SNRK: variants seen among roughly 807,000 people sequenced by gnomAD.
The protein encoded by SNRK is SNF related kinase.
In SNRK, 3 loss-of-function variants were observed where a neutral mutation model predicts 48.2. The ratio of observed to expected loss-of-function variants is 0.06; its 90% confidence interval spans 0.03 to 0.16. The LOEUF is 0.16. SNRK is among the 10% of genes least tolerant of loss of function. The probability of loss-of-function intolerance (pLI) is 1.00; values close to 1 mark genes in which losing one functional copy is unlikely to be tolerated. For synonymous variants in SNRK, 376 were observed against 366.1 expected (o/e 1.03, Z -0.31); for missense variants, 627 against 976.0 (o/e 0.64, Z 4.76).
intron 6 of SNRK, among the ~76,000 whole-genome samples, chr3:43,344,493 C>T (rs577758730): frequency 1.3e-5 from 2 of 152,102 alleles, no homozygotes; most frequent in South Asian, 4.2e-4. Flanking sequence ...AAAGCCATTT[C>T]GATTTTAAGT....
At chr3:43,324,230 C>T (rs2091076895) in intron 3 of SNRK, among the ~76,000 whole-genome samples, 1 of 152,180 alleles carries the variant, frequency 6.6e-6, no homozygotes, top group Admixed American at 6.5e-5. Flanking sequence ...TGGCGTTAGG[C>T]CGGGCGTGGT....
intron 3 of SNRK, among the ~76,000 whole-genome samples, chr3:43,326,188 T>C (rs2091095242): frequency 6.6e-6 from 1 of 152,100 alleles, no homozygotes. Flanking sequence ...AAAAGGTGAC[T>C]GAAATAAACT....
At chr3:43,339,679 G>A (rs553198894) in intron 4 of SNRK, among the ~76,000 whole-genome samples, 35 of 151,160 alleles carry the variant, frequency 2.3e-4, no homozygotes, top group African/African-American at 7.5e-4. Flanking sequence ...AGCTGGGTGT[G>A]GTGGCACGTG....
chr3:43,301,071 G>A (rs2090894531), intron 2 of SNRK, among the ~76,000 whole-genome samples: 1 of 152,224 alleles, frequency 6.6e-6, no homozygotes, highest in Admixed American at 6.5e-5. Flanking sequence ...ATAATGTGAA[G>A]TATTTGGTAT....
At chr3:43,291,136 A>G (rs1415230397) in intron 1 of SNRK, among the ~76,000 whole-genome samples, 1 of 152,172 alleles carries the variant, frequency 6.6e-6, no homozygotes, top group Non-Finnish European at 1.5e-5. Context: ...GATGAATTAT[A>G]TGGAATACAT....
At position 43,333,571 on chromosome 3, in the gene SNRK, G is replaced by A. The variant is rs368231539; in HGVS notation, c.731+1261G>A. On this transcript the variant is annotated intron_variant, in intron 4 of 6. Transcript: ENST00000296088. ...TATTGATGATGATTATTTTTATGAC[G>A]TTACTGTTAACTATTCTCTACCCCA... Among the ~76,000 whole-genome samples, 6 of 151,944 alleles carry A rather than the reference G, an allele frequency of 3.9e-5. No individual in the cohort carries two copies. In the South Asian group the frequency reaches 6.2e-4, roughly 16 times the overall value.
intron 4 of SNRK, chr3:43,332,629 C>G (rs899062652): frequency 5.6e-6 from 1 of 179,428 alleles, no homozygotes; most frequent in South Asian, 2.0e-4. Flanking sequence ...TGAAGAAATA[C>G]CATGGGAACT....
intron 1 of SNRK, among the ~76,000 whole-genome samples, chr3:43,292,858 ATTTTC>A (rs1281183862): frequency 1.1e-4 from 17 of 151,748 alleles, no homozygotes; most frequent in East Asian, 7.7e-4. Context: ...TGGGGATACT[ATTTTC>A]TTTTCTTTTT....
chr3:43,344,666 T>A (rs949254252), intron 6 of SNRK, among the ~76,000 whole-genome samples: 1 of 152,080 alleles, frequency 6.6e-6, no homozygotes, highest in Admixed American at 6.5e-5. Context: ...CATTCCTCTG[T>A]AATAAAAACT....
At chr3:43,304,203 G>T (rs1387497045) in intron 3 of SNRK, among the ~76,000 whole-genome samples, 2 of 152,160 alleles carry the variant, frequency 1.3e-5, no homozygotes, top group African/African-American at 4.8e-5. Flanking sequence ...GCAATATAAA[G>T]AATTTGGGTA....
At chr3:43,321,613 AGG>A (rs1188495131) in intron 3 of SNRK, among the ~76,000 whole-genome samples, 20 of 152,242 alleles carry the variant, frequency 1.3e-4, no homozygotes, top group African/African-American at 4.6e-4. Context: ...GTCAGCTGAT[AGG>A]TAACAGGGAC....
At chr3:43,296,257 A>G (rs2090852002) in intron 1 of SNRK, among the ~76,000 whole-genome samples, 1 of 151,686 alleles carries the variant, frequency 6.6e-6, no homozygotes, top group African/African-American at 2.4e-5. Flanking sequence ...TAGATGTACA[A>G]TTTGGTCTAC....
At chr3:43,296,502 CTT>C (rs1341385341) in intron 1 of SNRK, among the ~76,000 whole-genome samples, 4 of 148,422 alleles carry the variant, frequency 2.7e-5, no homozygotes, top group South Asian at 4.2e-4. Context: ...TGGAGGAAAA[CTT>C]ATATTCTAAA....
chr3:43,347,480 G>A lies in SNRK; in HGVS notation c.1221G>A (p.Leu407=). The change falls in exon 7 of 7, where the codon CTG becomes CTA. Residue 407 remains leucine (L), a synonymous_variant. Coordinates refer to ENST00000296088, the MANE Select transcript of SNRK (RefSeq NM_017719.5). The surrounding 1 kb of genome is among the most constrained non-coding windows in gnomAD (Gnocchi z 5.4). ...SVLNGHRSKG[L]CDSAKKDDLP... ...TCAATGGCCACAGGAGCAAAGGCCTGTGTGACTCAGCTAAGAAAGATGACC... is the reference window on the plus strand; with the variant it reads ...TCAATGGCCACAGGAGCAAAGGCCTATGTGACTCAGCTAAGAAAGATGACC... 6.2e-7 allele frequency: 1 copy of A among 1,613,962 alleles called. No individual in the cohort carries two copies. Among genetic ancestry groups the A allele is most frequent in the South Asian group, 1.1e-5 (1 of 91,068 alleles).
Position 43,295,303 on chromosome 3 carries a change from C to T in SNRK, c.-168-4451C>T, listed in dbSNP as rs529558874. 1.3e-3 allele frequency among the ~76,000 whole-genome samples: 194 copies of T among 152,356 alleles called. 1 individual carries two copies. Among genetic ancestry groups the T allele is most frequent in the Middle Eastern group, 3.4e-3 (1 of 294 alleles). On this transcript the variant is annotated intron_variant, in intron 1 of 6. Transcript: ENST00000296088. ...CAAATAAAGATTACTTAAACCAGTACTTCAAGGATTCTGCATTGGCAACCA... is the reference window on the plus strand; with the variant it reads ...CAAATAAAGATTACTTAAACCAGTATTTCAAGGATTCTGCATTGGCAACCA...
At chr3:43,343,706 G>A (rs1407603616) in intron 6 of SNRK, among the ~76,000 whole-genome samples, 1 of 152,076 alleles carries the variant, frequency 6.6e-6, no homozygotes, top group East Asian at 1.9e-4. Context: ...CCGGGGCTGT[G>A]TCTGTTGGCA....
rs560462873 is a variant in SNRK at position 43,310,579 on chromosome 3, C to T, written c.589+6787C>T. 2.6e-5 allele frequency among the ~76,000 whole-genome samples: 4 copies of T among 152,240 alleles called. No individual in the cohort carries two copies. In the East Asian group the frequency reaches 7.7e-4, roughly 29 times the overall value. On this transcript the variant is annotated intron_variant, in intron 3 of 6. Coordinates refer to ENST00000296088, the MANE Select transcript of SNRK (RefSeq NM_017719.5). ...TGCTTTGTTTTGTTTGAAACCCTTTCAGAGAGGATTTGTGAAAAATTCAAG... is the reference window on the plus strand; with the variant it reads ...TGCTTTGTTTTGTTTGAAACCCTTTTAGAGAGGATTTGTGAAAAATTCAAG...
At chr3:43,335,688 G>A (rs114212663) in intron 4 of SNRK, among the ~76,000 whole-genome samples, 195 of 151,822 alleles carry the variant, frequency 1.3e-3, no homozygotes, top group African/African-American at 4.6e-3. Context: ...TGGTGGATTT[G>A]TTTTTTTTCT....
chr3:43,333,500 T>C (rs2091164097), intron 4 of SNRK: 1 of 152,002 alleles, frequency 6.6e-6, no homozygotes, highest in Admixed American at 6.6e-5. Flanking sequence ...TGAATTAATA[T>C]GTGTAAAGCT....
Sources: gnomAD v4.1 joint callset for allele counts (sites outside exome capture counted in the v4.1 genomes callset) on GRCh38, gnomAD v4.1.1 for gene constraint, Gnocchi (gnomAD v3.1) non-coding constraint, MANE v1.5 for transcripts, NCBI Gene and HGNC (gene_info 2026-07-23, HGNC 2026-07-21) for gene names.